Variants in NGLY1 observed in about 807,000 individuals in gnomAD.
The protein encoded by NGLY1 is N-glycanase 1, also known as peptide-N(4)-(N-acetyl-beta-glucosaminyl)asparagine amidase.
In NGLY1, 68 loss-of-function variants were observed where a neutral mutation model predicts 84.6. The observed-to-expected ratio is 0.80, with a 90% CI of 0.66 to 0.98. The LOEUF (loss-of-function observed/expected upper bound fraction) is 0.98. NGLY1 is among the 50% of genes least tolerant of loss of function. NGLY1 has a pLI of 0.00. For synonymous variants in NGLY1, 280 were observed against 275.2 expected (o/e 1.02, Z -0.17); for missense variants, 779 against 770.2 (o/e 1.01, Z -0.14).
At chr3:25,742,795 C>G (rs532681295) in intron 4 of NGLY1, among the ~76,000 whole-genome samples, 1 of 146,908 alleles carries the variant, frequency 6.8e-6, no homozygotes, top group East Asian at 2.1e-4. Context: ...GTTCTTTCAG[C>G]TGGCTCCCCG....
rs188257460 is a variant in NGLY1, at chr3:25,753,818, G to T, written c.493-2555C>A. Among the ~76,000 whole-genome samples the T allele has an allele frequency of 4.2e-4, 64 of 152,172 alleles. 2 individuals are homozygous for T. The East Asian group carries it at 0.011, about 26-fold the overall frequency. On this transcript the variant is annotated intron_variant, in intron 3 of 11. Transcript: ENST00000280700. ...ATCAGAAATAAGTTTAAACATCTTA[G>T]CAATTAGAATAAATGTGAATGGGTT...
upstream of NGLY1, among the ~76,000 whole-genome samples, chr3:25,787,958 G>C (rs1249848311): frequency 6.6e-6 from 1 of 152,184 alleles, no homozygotes; most frequent in African/African-American, 2.4e-5. Context: ...CCAAGATGCA[G>C]TTCAAGGATC....
intron 10 of NGLY1, among the ~76,000 whole-genome samples, chr3:25,728,141 A>T (rs1705351453): frequency 6.6e-6 from 1 of 152,164 alleles, no homozygotes; most frequent in Non-Finnish European, 1.5e-5. Context: ...AGACAATGTG[A>T]TATAAATGGA....
rs971414942 is a variant in NGLY1, at chr3:25,783,419, C to T, written c.-29G>A. 3.9e-6 allele frequency: 6 copies of T among 1,519,230 alleles called. No homozygotes were observed. The highest frequency in any genetic ancestry group is 5.3e-6 in the Non-Finnish European group (6 of 1,134,744). The allele number at this position is 1,519,230 out of a possible 1,614,324, so 94.1% of individuals were successfully genotyped here. ...TGAGCGCCAGCGGGCGCCGCCGCCG[C>T]CCCTCGCTCTCCGCGTCCCACACTG... On this transcript the variant is annotated 5_prime_UTR_variant, in exon 1 of 12. Coordinates refer to ENST00000280700, the MANE Select transcript of NGLY1 (RefSeq NM_018297.4). This position sits in a 1 kb window ranked among gnomAD's most constrained non-coding sequence, Gnocchi z 4.5.
intron 3 of NGLY1, among the ~76,000 whole-genome samples, chr3:25,754,647 A>G (rs147948929): frequency 7.2e-6 from 1 of 138,856 alleles, no homozygotes; most frequent in East Asian, 2.3e-4. Flanking sequence ...AAATTAGGGT[A>G]GTTTTACAAC....
intron 7 of NGLY1, 131 bp from the exon 8 acceptor site, chr3:25,734,113 C>A (rs1372233497): frequency 7.7e-7 from 1 of 1,304,348 alleles, no homozygotes; most frequent in Non-Finnish European, 1.0e-6. Context: ...GTTGTCCAGG[C>A]TAGAGTGCAG....
rs1575671134 is a variant in NGLY1 at position 25,783,059 on chromosome 3, C to A, written c.131+201G>T. On this transcript the variant is annotated intron_variant, in intron 1 of 11. Transcript: ENST00000280700. The surrounding 1 kb of genome is among the most constrained non-coding windows in gnomAD (Gnocchi z 4.5). The stretch of plus-strand genomic sequence containing the variant: ...CAACTGCAAAGAAACTTCCTTTTCT[C>A]GAGCGGGGGTGGGACTTGGCCGGGT... The A allele has an allele frequency of 3.8e-6, 2 of 532,480 alleles. No individual in the cohort carries two copies. The highest frequency in any genetic ancestry group is 2.4e-5 in the South Asian group (1 of 42,428). 33.0% of individuals were successfully genotyped at this position (532,480 alleles called of 1,614,324 possible).
chr3:25,766,068 CT>C lies in NGLY1; in HGVS notation c.247-1758del, dbSNP rs750093129. ...CTGAAAAGTAGGTATTAGATTAATA[CT>C]TTTTTTTTTTTTGGAGACAGAGTTT... On this transcript the variant is annotated intron_variant, in intron 2 of 11. Coordinates refer to ENST00000280700, the MANE Select transcript of NGLY1 (RefSeq NM_018297.4). 8.8e-3 allele frequency among the ~76,000 whole-genome samples: 1,270 copies of C among 144,388 alleles called. 7 individuals are homozygous for C. Among genetic ancestry groups the C allele is most frequent in the Admixed American group, 0.012 (176 of 14,424 alleles). 94.7% of individuals were successfully genotyped at this position (144,388 alleles called of 152,430 possible).
At chr3:25,774,260 T>C (rs760500194) in intron 2 of NGLY1, among the ~76,000 whole-genome samples, 1 of 152,180 alleles carries the variant, frequency 6.6e-6, no homozygotes, top group African/African-American at 2.4e-5. Context: ...CAGAAGGTGA[T>C]GCTTTCAAGA....
At chr3:25,762,815 G>T (rs1707379723) in intron 3 of NGLY1, among the ~76,000 whole-genome samples, 1 of 152,110 alleles carries the variant, frequency 6.6e-6, no homozygotes, top group Non-Finnish European at 1.5e-5. Flanking sequence ...TTAGCCAAGT[G>T]TGGTGGCAGG....
chr3:25,721,020 G>T (rs1259514143), intron 10 of NGLY1, among the ~76,000 whole-genome samples: 1 of 152,220 alleles, frequency 6.6e-6, no homozygotes, highest in Non-Finnish European at 1.5e-5. Context: ...ACTACAGTTT[G>T]AACTTTACAC....
chr3:25,781,211 A>G (rs1423570437), intron 1 of NGLY1, among the ~76,000 whole-genome samples: 1 of 152,146 alleles, frequency 6.6e-6, no homozygotes, highest in African/African-American at 2.4e-5. Context: ...TTGGCCTCCC[A>G]CAGTGCTGGG....
chr3:25,758,569 C>G (rs931232312), intron 3 of NGLY1, among the ~76,000 whole-genome samples: 1 of 152,052 alleles, frequency 6.6e-6, no homozygotes. Context: ...CAAAGTGAGA[C>G]CCTGTCTCAA....
intron 3 of NGLY1, among the ~76,000 whole-genome samples, chr3:25,759,805 T>C (rs1231506120): frequency 6.6e-6 from 1 of 152,112 alleles, no homozygotes; most frequent in African/African-American, 2.4e-5. Context: ...ATTTCTGATA[T>C]GAGATATATT....
intron 1 of NGLY1, among the ~76,000 whole-genome samples, chr3:25,781,654 G>A (rs1031660398): frequency 3.3e-5 from 5 of 152,046 alleles, no homozygotes; most frequent in African/African-American, 9.7e-5. Context: ...TCAAGATCGC[G>A]CCACTGCACT....
chr3:25,787,959 T>A (rs566345313), upstream of NGLY1, among the ~76,000 whole-genome samples: 1 of 152,334 alleles, frequency 6.6e-6, no homozygotes, highest in Admixed American at 6.5e-5. Context: ...CAAGATGCAG[T>A]TCAAGGATCA....
In NGLY1 at chr3:25,779,689, C is replaced by T. The variant is rs1228437971; in HGVS notation, c.132-1001G>A. ...TACACATGTTCTCTAGGTATTCTGA[C>T]GTAAAAACAAAACCAAAAACCAAAT... is the stretch of plus-strand genomic sequence containing the variant. On this transcript the variant is annotated intron_variant, in intron 1 of 11. Coordinates refer to ENST00000280700, the MANE Select transcript of NGLY1 (RefSeq NM_018297.4). Among the ~76,000 whole-genome samples the T allele has an allele frequency of 4.6e-5, 7 of 152,184 alleles. No homozygotes were observed. In the East Asian group the frequency reaches 7.7e-4, roughly 17 times the overall value.
At chr3:25,790,014 C>T (rs987003614) in exon 1 of NGLY1, 2 of 939,948 alleles carry the variant, frequency 2.1e-6, no homozygotes, top group African/African-American at 1.6e-5. Flanking sequence ...GAAAGAGAGT[C>T]GAACGGGACG....
intron 2 of NGLY1, among the ~76,000 whole-genome samples, chr3:25,776,947 T>C (rs549036459): frequency 4.6e-5 from 7 of 152,212 alleles, no homozygotes; most frequent in Admixed American, 6.5e-5. Flanking sequence ...CCTGCCTTCA[T>C]GGACTTTATA....
Sources: allele counts gnomAD v4.1 joint callset (sites outside exome capture counted in the v4.1 genomes callset), GRCh38; gene constraint gnomAD v4.1.1; non-coding constraint Gnocchi (gnomAD v3.1); transcripts MANE v1.5; gene names NCBI Gene and HGNC (gene_info 2026-07-23, HGNC 2026-07-21).